Variants in DLG2 observed in about 807,000 individuals in gnomAD.
DLG2 encodes disks large homolog 2.
A neutral mutation model predicts 132.5 loss-of-function variants in DLG2; 45 were observed. The observed-to-expected ratio is 0.34, with a 90% CI of 0.27 to 0.44. The LOEUF is 0.44. Among genes scored for constraint, DLG2 ranks in the 20% least tolerant of loss-of-function variants. The pLI is 1.00. For missense variants in DLG2, 1,045 were observed against 1,196.9 expected (o/e 0.87, Z 1.87); for synonymous variants, 424 against 419.6 (o/e 1.01, Z -0.13).
At chr11:85,019,202 T>C (rs2059823157) in intron 6 of DLG2, among the ~76,000 whole-genome samples, 1 of 152,202 alleles carries the variant, frequency 6.6e-6, no homozygotes, top group African/African-American at 2.4e-5. Flanking sequence ...ATCCTTTTTA[T>C]TGTTAAGTCA....
At chr11:83,642,977 A>C (rs1566231336) in intron 18 of DLG2, among the ~76,000 whole-genome samples, 1 of 151,978 alleles carries the variant, frequency 6.6e-6, no homozygotes, top group Non-Finnish European at 1.5e-5. Flanking sequence ...TAAATGAATA[A>C]AAAAAAACCG....
chr11:85,439,167 C>T (rs1294177402), intron 3 of DLG2, among the ~76,000 whole-genome samples: 1 of 152,010 alleles, frequency 6.6e-6, no homozygotes, highest in Non-Finnish European at 1.5e-5. Context: ...TTTGTGTGAC[C>T]ATATGGTAAT....
intron 6 of DLG2, among the ~76,000 whole-genome samples, chr11:84,750,914 G>A (rs181730117): frequency 4.6e-5 from 7 of 152,264 alleles, no homozygotes; most frequent in Admixed American, 6.5e-5. Context: ...AGTGGTTTCT[G>A]GATGGGATAA....
chr11:84,691,606 T>A (rs900549136), intron 6 of DLG2, among the ~76,000 whole-genome samples: 1 of 151,800 alleles, frequency 6.6e-6, no homozygotes, highest in African/African-American at 2.4e-5. Context: ...CATAAAATAA[T>A]TTAGAAATAG....
intron 20 of DLG2, among the ~76,000 whole-genome samples, chr11:83,533,524 G>T (rs1370872303): frequency 2.0e-5 from 3 of 152,148 alleles, no homozygotes; most frequent in Non-Finnish European, 2.9e-5. Flanking sequence ...TCACTGGGAG[G>T]GTGCAAAGGA....
Position 83,809,680 on chromosome 11 carries a change from A to G in DLG2, c.1723-22888T>C, listed in dbSNP as rs190512866. 2.6e-4 allele frequency among the ~76,000 whole-genome samples: 39 copies of G among 152,270 alleles called. 1 individual carries two copies. Among genetic ancestry groups the G allele is most frequent in the African/African-American group, 9.1e-4 (38 of 41,584 alleles). ...ATGTATGTAGCTCAAGGTTTATATCATCTGCATTGTAACCTCCATTTCTTA... is the reference window on the plus strand; with the variant it reads ...ATGTATGTAGCTCAAGGTTTATATCGTCTGCATTGTAACCTCCATTTCTTA... On this transcript the variant is annotated intron_variant, in intron 17 of 27. Transcript: ENST00000376104.
At chr11:85,489,494 C>T (rs532875498) in intron 3 of DLG2, among the ~76,000 whole-genome samples, 3 of 152,154 alleles carry the variant, frequency 2.0e-5, no homozygotes, top group Admixed American at 6.5e-5. Flanking sequence ...TAACACTAGA[C>T]AAATCATCGA....
chr11:84,243,428 T>C (rs2097261689), intron 8 of DLG2, among the ~76,000 whole-genome samples: 1 of 152,200 alleles, frequency 6.6e-6, no homozygotes. Flanking sequence ...TAGATGTGTA[T>C]ATGTTTAAAG....
At chr11:85,266,173 C>T (rs570884157) in intron 4 of DLG2, among the ~76,000 whole-genome samples, 19 of 152,366 alleles carry the variant, frequency 1.2e-4, no homozygotes, top group African/African-American at 4.6e-4. Flanking sequence ...GCCCCCCAAC[C>T]TGGACACTGC....
intron 7 of DLG2, among the ~76,000 whole-genome samples, chr11:84,413,515 A>C (rs1420079750): frequency 6.6e-6 from 1 of 152,190 alleles, no homozygotes; most frequent in Non-Finnish European, 1.5e-5. Flanking sequence ...AGATCCAGAA[A>C]TGTGATGTGT....
At chr11:85,479,198 A>AAAGT (rs1299287629) in intron 3 of DLG2, among the ~76,000 whole-genome samples, 2 of 152,232 alleles carry the variant, frequency 1.3e-5, no homozygotes, top group African/African-American at 4.8e-5. Flanking sequence ...AAAGACTCTG[A>AAAGT]CTTATGAACA....
At chr11:84,266,376 C>G (rs1399460692) in intron 7 of DLG2, among the ~76,000 whole-genome samples, 1 of 152,210 alleles carries the variant, frequency 6.6e-6, no homozygotes, top group East Asian at 1.9e-4. Context: ...ATCCAGGTCG[C>G]TTCTGGTGTA....
chr11:84,225,173 G>A (rs2096972711), intron 8 of DLG2, among the ~76,000 whole-genome samples: 1 of 152,120 alleles, frequency 6.6e-6, no homozygotes, highest in South Asian at 2.1e-4. Flanking sequence ...CTAAGGTCTG[G>A]CACACAGTAA....
At chr11:83,638,680 C>T (rs2065507521) in intron 18 of DLG2, among the ~76,000 whole-genome samples, 1 of 152,084 alleles carries the variant, frequency 6.6e-6, no homozygotes, top group South Asian at 2.1e-4. Context: ...AGGAATGAGC[C>T]ACAGATGGCC....
intron 6 of DLG2, among the ~76,000 whole-genome samples, chr11:85,042,082 T>C (rs1277179065): frequency 6.6e-6 from 1 of 151,530 alleles, no homozygotes; most frequent in Non-Finnish European, 1.5e-5. Context: ...TCTATCAAAA[T>C]TGGAAAAAAA....
At chr11:85,079,848 T>C (rs1382924328) in intron 6 of DLG2, among the ~76,000 whole-genome samples, 1 of 152,060 alleles carries the variant, frequency 6.6e-6, no homozygotes, top group African/African-American at 2.4e-5. Flanking sequence ...GCCAGGATAG[T>C]CTCAATCTCC....
intron 7 of DLG2, among the ~76,000 whole-genome samples, chr11:84,526,251 A>C (rs894077695): frequency 3.9e-5 from 6 of 152,340 alleles, no homozygotes; most frequent in Admixed American, 1.3e-4. Flanking sequence ...TTAACTCCTC[A>C]AATGTGTTTA....
intron 6 of DLG2, among the ~76,000 whole-genome samples, chr11:84,875,437 A>G (rs969321409): frequency 1.3e-5 from 2 of 152,070 alleles, no homozygotes; most frequent in African/African-American, 4.8e-5. Context: ...CATGGACATG[A>G]CTAAACAGCC....
At chr11:83,512,689 C>A (rs569015578) in intron 21 of DLG2, among the ~76,000 whole-genome samples, 105 of 152,132 alleles carry the variant, frequency 6.9e-4, no homozygotes, top group Middle Eastern at 3.4e-3. Context: ...CCCTTCCCCC[C>A]ACCCCACAAC....
Sources: allele counts gnomAD v4.1 joint callset (sites outside exome capture counted in the v4.1 genomes callset), GRCh38; gene constraint gnomAD v4.1.1; transcripts MANE v1.5; gene names NCBI Gene and HGNC (gene_info 2026-07-23, HGNC 2026-07-21).